The following TFPI variants were observed in gnomAD, a reference collection of about 807,000 sequenced individuals.
TFPI encodes the protein anti-convertin.
TFPI carries 15 observed loss-of-function variants against 34.6 expected under a neutral mutation model. That is an observed-to-expected ratio of 0.43 (90% confidence interval 0.29 to 0.67). The LOEUF (loss-of-function observed/expected upper bound fraction) is 0.67, where lower values mean the gene tolerates loss of function less well. TFPI is among the 30% of genes least tolerant of loss of function. The pLI is 0.15. For missense variants in TFPI, 301 were observed against 364.0 expected, an observed-to-expected ratio of 0.83 and a Z score of 1.41; for synonymous variants, 105 against 120.1, an observed-to-expected ratio of 0.87 and a Z score of 0.82.
At chr2:187,478,535 G>T in intron 6 of TFPI, 1 of 1,197,626 alleles carries the variant, frequency 8.3e-7, no homozygotes, top group Non-Finnish European at 1.1e-6. Flanking sequence ...ATTTTTCTTT[G>T]CTAGTTAGAC....
intron 6 of TFPI, among the ~76,000 whole-genome samples, chr2:187,479,596 A>T (rs994031583): frequency 5.0e-5 from 7 of 139,856 alleles, no homozygotes; most frequent in Non-Finnish European, 7.8e-5. Context: ...TATATGATTT[A>T]AAAATACTGA....
intron 1 of TFPI, chr2:187,546,813 T>G (rs1574541829): frequency 6.9e-6 from 1 of 144,140 alleles, no homozygotes; most frequent in Non-Finnish European, 1.5e-5. Context: ...TAATTGTGTA[T>G]CTACCTACCT....
chr2:187,477,059 A>G (rs1692423258), intron 6 of TFPI, among the ~76,000 whole-genome samples: 1 of 152,168 alleles, frequency 6.6e-6, no homozygotes, highest in African/African-American at 2.4e-5. Flanking sequence ...TTCAAGCTTG[A>G]GAAACACTTC....
At chr2:187,503,505 ATTAGG>A (rs1685991851) in intron 2 of TFPI, 138 bp downstream of exon 2, 21 of 892,926 alleles carry the variant, frequency 2.4e-5, no homozygotes, top group East Asian at 5.4e-5. Flanking sequence ...ACACACATAC[ATTAGG>A]TATAATAAAT....
chr2:187,549,085 C>T (rs755529859), intron 1 of TFPI, among the ~76,000 whole-genome samples: 22 of 151,998 alleles, frequency 1.4e-4, no homozygotes, highest in Non-Finnish European at 1.8e-4. Flanking sequence ...CTTTGCTAAA[C>T]GAGATTAAAA....
In TFPI at chr2:187,466,538, A is replaced by AT. The variant is rs1691727736; in HGVS notation, c.*397dup. ...ATATGTGAAACTCAGGAAGTTCTTG[A>AT]TTTTTTAAGAGCTGTATTCCTTAAT... On this transcript the variant is annotated 3_prime_UTR_variant, in exon 8 of 8. Coordinates refer to ENST00000233156, the MANE Select transcript of TFPI (RefSeq NM_006287.6). The AT allele has an allele frequency of 1.3e-5, 2 of 152,710 alleles. No homozygotes were observed. The highest frequency in any genetic ancestry group is 6.5e-5 in the Admixed American group (1 of 15,274). The allele number at this position is 152,710 out of a possible 1,614,324, so 9.5% of individuals were successfully genotyped here. A position where few individuals can be genotyped will look rare whatever the true frequency, so the allele number is the denominator to read the frequency against.
intron 1 of TFPI, among the ~76,000 whole-genome samples, chr2:187,551,037 A>G (rs35007051): frequency 0.026 from 3,886 of 152,240 alleles, 78 homozygotes; most frequent in South Asian, 0.038. Context: ...GAGGGTGTCA[A>G]AGGCACATTG....
chr2:187,470,462 T>G (rs538660920), intron 6 of TFPI, among the ~76,000 whole-genome samples: 135 of 152,276 alleles, frequency 8.9e-4, no homozygotes, highest in Admixed American at 1.9e-3. Flanking sequence ...GTCCCTAGAT[T>G]GGACGTATGA....
intron 1 of TFPI, among the ~76,000 whole-genome samples, chr2:187,504,384 A>C (rs1686054702): frequency 6.6e-6 from 1 of 152,044 alleles, no homozygotes; most frequent in Non-Finnish European, 1.5e-5. Flanking sequence ...CTGACATTCG[A>C]GTTAGTCCTC....
chr2:187,486,156 C>T (rs188863954), intron 4 of TFPI, among the ~76,000 whole-genome samples: 1 of 151,446 alleles, frequency 6.6e-6, no homozygotes, highest in East Asian at 1.9e-4. Context: ...TTCTGTATTG[C>T]CTCTTGATCT....
At chr2:187,513,473 C>G (rs2106171141) in intron 1 of TFPI, 1 of 152,430 alleles carries the variant, frequency 6.6e-6, no homozygotes, top group African/African-American at 2.4e-5. Context: ...TGTCTAATTT[C>G]TTAAAAATTA....
intron 1 of TFPI, among the ~76,000 whole-genome samples, chr2:187,550,976 G>C (rs1689075102): frequency 6.6e-6 from 1 of 152,064 alleles, no homozygotes; most frequent in Non-Finnish European, 1.5e-5. Flanking sequence ...AGAAGAGATA[G>C]ACTAGGTTGG....
intron 3 of TFPI, among the ~76,000 whole-genome samples, chr2:187,493,657 G>A (rs972731046): frequency 4.6e-5 from 7 of 152,076 alleles, no homozygotes; most frequent in African/African-American, 1.7e-4. Flanking sequence ...CCCCTTGAAT[G>A]CTTTGGTGCT....
chr2:187,482,168 A>G (rs1335660742), intron 6 of TFPI, among the ~76,000 whole-genome samples: 2 of 152,096 alleles, frequency 1.3e-5, no homozygotes, highest in Non-Finnish European at 2.9e-5. Flanking sequence ...ATGACTGCAG[A>G]TCTCCACTTG....
chr2:187,523,081 A>G (rs1365419277), intron 1 of TFPI, among the ~76,000 whole-genome samples: 1 of 152,064 alleles, frequency 6.6e-6, no homozygotes. Flanking sequence ...TACAATCACT[A>G]TACAAGGAAC....
At chr2:187,508,239 T>C (rs1216047767) in intron 1 of TFPI, among the ~76,000 whole-genome samples, 1 of 152,194 alleles carries the variant, frequency 6.6e-6, no homozygotes, top group East Asian at 1.9e-4. Context: ...GGAAGTCAGG[T>C]AGCGTGATGC....
chr2:187,520,671 A>G (rs1687320943), intron 1 of TFPI: 1 of 152,110 alleles, frequency 6.6e-6, no homozygotes, highest in Non-Finnish European at 1.5e-5. Context: ...ATGGAGAATT[A>G]TGGTCCCTAT....
rs570165626 is a variant in TFPI, at chr2:187,467,139, C to T, written c.809-97G>A. 14 of 788,668 alleles carry T rather than the reference C, an allele frequency of 1.8e-5. No homozygotes were observed. In the South Asian group the frequency reaches 2.5e-4, roughly 14 times the overall value. The allele number at this position is 788,668 out of a possible 1,614,324, so 48.9% of individuals were successfully genotyped here. A position where few individuals can be genotyped will look rare whatever the true frequency, so the allele number is the denominator to read the frequency against. On this transcript the variant is annotated intron_variant, in intron 7 of 7. Transcript: ENST00000233156. ...CAAAGTAACTTTTAATATTTAAATC[C>T]AAAAGATGTTATTGATTTAAAAGCC...
At chr2:187,522,928 AAATAAT>A in intron 1 of TFPI, among the ~76,000 whole-genome samples, 1 of 149,704 alleles carries the variant, frequency 6.7e-6, no homozygotes, top group East Asian at 2.0e-4. Flanking sequence ...ATAAATAAAT[AAATAAT>A]AAAAAACAGA....
Sources: gnomAD v4.1 joint callset for allele counts (sites outside exome capture counted in the v4.1 genomes callset) on GRCh38, gnomAD v4.1.1 for gene constraint, MANE v1.5 for transcripts, NCBI Gene and HGNC (gene_info 2026-07-23, HGNC 2026-07-21) for gene names.